PCDH15: variants seen among roughly 807,000 people sequenced by gnomAD.
PCDH15 encodes the protein protocadherin related 15.
A neutral mutation model predicts 178.5 loss-of-function variants in PCDH15; 129 were observed. The observed-to-expected ratio is 0.72, with a 90% confidence interval of 0.63 to 0.84. PCDH15 has a LOEUF of 0.84. Ranked by LOEUF, PCDH15 falls within the 40% of genes least tolerant of loss-of-function variation. PCDH15 has a pLI of 0.00. For missense variants in PCDH15, 2,230 were observed against 2,099.9 expected, an observed-to-expected ratio of 1.06 and a Z score of -1.21; for synonymous variants, 800 against 732.0, an observed-to-expected ratio of 1.09 and a Z score of -1.50.
intron 3 of PCDH15, among the ~76,000 whole-genome samples, chr10:54,382,649 G>A (rs551597462): frequency 6.6e-6 from 1 of 152,214 alleles, no homozygotes; most frequent in South Asian, 2.1e-4. Context: ...CACAAACTGT[G>A]TTGTGTTCTG....
chr10:54,121,741 A>C (rs567011722), intron 15 of PCDH15, among the ~76,000 whole-genome samples: 1 of 152,232 alleles, frequency 6.6e-6, no homozygotes, highest in African/African-American at 2.4e-5. Context: ...CAACCTCTCA[A>C]GATTGAATCG....
intron 10 of PCDH15, among the ~76,000 whole-genome samples, chr10:54,205,399 T>A (rs181207491): frequency 1.3e-3 from 191 of 151,980 alleles, no homozygotes; most frequent in Non-Finnish European, 2.0e-3. Flanking sequence ...CTCTGTAGGA[T>A]CCTGCAGCTC....
intron 1 of PCDH15, among the ~76,000 whole-genome samples, chr10:55,237,363 A>C (rs1284371036): frequency 2.0e-5 from 3 of 152,168 alleles, no homozygotes; most frequent in African/African-American, 7.2e-5. Flanking sequence ...CTCACTCTTC[A>C]TGTGTATTTC....
intron 2 of PCDH15, among the ~76,000 whole-genome samples, chr10:55,621,160 GATA>G (rs1374372572): frequency 3.9e-5 from 6 of 152,028 alleles, no homozygotes; most frequent in African/African-American, 1.2e-4. Context: ...GTACAGTAGA[GATA>G]ATAATATGAA....
intron 15 of PCDH15, among the ~76,000 whole-genome samples, chr10:54,124,810 A>G (rs951316334): frequency 6.6e-6 from 1 of 152,184 alleles, no homozygotes; most frequent in African/African-American, 2.4e-5. Context: ...AAAGAGAAGT[A>G]AAAACCCTGA....
At chr10:53,836,052 G>C (rs1021401836) in intron 29 of PCDH15, among the ~76,000 whole-genome samples, 2 of 152,070 alleles carry the variant, frequency 1.3e-5, no homozygotes, top group Non-Finnish European at 2.9e-5. Flanking sequence ...GCCCATCCCT[G>C]GTGCTCAGGC....
At chr10:55,066,230 G>A (rs1371782192) in intron 2 of PCDH15, among the ~76,000 whole-genome samples, 2 of 151,200 alleles carry the variant, frequency 1.3e-5, no homozygotes, top group Non-Finnish European at 3.0e-5. Flanking sequence ...CAGGATAAAT[G>A]TGTGTGATTT....
intron 2 of PCDH15, among the ~76,000 whole-genome samples, chr10:54,912,270 A>G (rs1954831408): frequency 6.6e-6 from 1 of 152,012 alleles, no homozygotes; most frequent in Non-Finnish European, 1.5e-5. Context: ...AAGATACTAG[A>G]TATAGTTTGG....
At chr10:54,698,407 A>G (rs1022760291) in intron 1 of PCDH15, among the ~76,000 whole-genome samples, 3 of 152,246 alleles carry the variant, frequency 2.0e-5, no homozygotes, top group South Asian at 2.1e-4. Flanking sequence ...GATCTGCTCA[A>G]TAGTTTAGTG....
chr10:54,996,933 ACT>A (rs1295765908), intron 2 of PCDH15, among the ~76,000 whole-genome samples: 3 of 151,666 alleles, frequency 2.0e-5, no homozygotes, highest in African/African-American at 4.8e-5. Context: ...ACATGGTGAA[ACT>A]CTGTCTGTAC....
chr10:54,757,803 A>G (rs979331155), intron 1 of PCDH15, among the ~76,000 whole-genome samples: 9 of 152,298 alleles, frequency 5.9e-5, no homozygotes, highest in Middle Eastern at 3.4e-3. Flanking sequence ...TTGAGTTGTC[A>G]GCAGCCTTAA....
intron 1 of PCDH15, among the ~76,000 whole-genome samples, chr10:55,183,537 G>A (rs914046724): frequency 6.6e-6 from 1 of 151,812 alleles, no homozygotes; most frequent in East Asian, 1.9e-4. Flanking sequence ...TTCAAGACTA[G>A]CCTGGGAAAC....
chr10:54,004,040 A>C (rs1441910008), intron 20 of PCDH15, among the ~76,000 whole-genome samples: 2 of 152,156 alleles, frequency 1.3e-5, no homozygotes, highest in Non-Finnish European at 2.9e-5. Context: ...GAAAAACCAT[A>C]TGATCATTTC....
chr10:55,024,266 C>CA (rs1200136742), intron 2 of PCDH15, among the ~76,000 whole-genome samples: 2 of 146,384 alleles, frequency 1.4e-5, no homozygotes, highest in African/African-American at 5.0e-5. Flanking sequence ...CACACACACT[C>CA]ATAGATATAG....
intron 1 of PCDH15, among the ~76,000 whole-genome samples, chr10:54,749,635 T>A (rs1591430898): frequency 6.6e-6 from 1 of 152,160 alleles, no homozygotes; most frequent in South Asian, 2.1e-4. Context: ...CTCCTCAATA[T>A]GGAATTGAAA....
rs752129374 is a variant in PCDH15, at chr10:55,178,640, G to A, written c.-155-11989C>T. ...TATATTATACTAGAGTAAAGGCCTG[G>A]GGAACTTATGGAATTATCTCTGTTG... On this transcript the variant is annotated intron_variant, in intron 1 of 5. Transcript: ENST00000458638. Among the ~76,000 whole-genome samples the A allele has an allele frequency of 2.1e-3, 313 of 152,136 alleles. 1 individual carries two copies. The highest frequency in any genetic ancestry group is 3.7e-3 in the Non-Finnish European group (250 of 68,012).
At chr10:54,209,680 A>G (rs2051199237) in intron 10 of PCDH15, among the ~76,000 whole-genome samples, 1 of 152,148 alleles carries the variant, frequency 6.6e-6, no homozygotes, top group Non-Finnish European at 1.5e-5. Flanking sequence ...AGATGTCCGT[A>G]GGCATCAGAA....
intron 2 of PCDH15, among the ~76,000 whole-genome samples, chr10:55,385,720 C>CAT (rs1287215604): frequency 1.1e-4 from 11 of 96,522 alleles, no homozygotes; most frequent in East Asian, 4.6e-4. Flanking sequence ...TATATATATG[C>CAT]ATATATATAT....
intron 1 of PCDH15, among the ~76,000 whole-genome samples, chr10:55,256,745 G>A (rs550233713): frequency 1.3e-5 from 2 of 152,324 alleles, no homozygotes; most frequent in East Asian, 3.9e-4. Flanking sequence ...ACTGGGTGGA[G>A]CCCACCGCAG....
Sources: gnomAD v4.1 joint callset for allele counts (sites outside exome capture counted in the v4.1 genomes callset) on GRCh38, gnomAD v4.1.1 for gene constraint, MANE v1.5 for transcripts, NCBI Gene and HGNC (gene_info 2026-07-23, HGNC 2026-07-21) for gene names.